The following ASRGL1 variants were observed in gnomAD, a reference collection of about 807,000 sequenced individuals.
ASRGL1 encodes isoaspartyl peptidase/L-asparaginase.
Under a neutral mutation model 22.4 loss-of-function variants are expected in ASRGL1, and 16 were observed. That is an observed-to-expected ratio of 0.71 (90% confidence interval 0.48 to 1.08). The LOEUF is 1.08. Among genes scored for constraint, ASRGL1 ranks in the 50% least tolerant of loss-of-function variants. The probability of loss-of-function intolerance (pLI) is 0.00; values close to 1 mark genes in which losing one functional copy is unlikely to be tolerated. For synonymous variants in ASRGL1, 165 were observed against 159.3 expected, an observed-to-expected ratio of 1.04 and a Z score of -0.27; for missense variants, 412 against 410.1, an observed-to-expected ratio of 1.00 and a Z score of -0.04.
intron 2 of ASRGL1, among the ~76,000 whole-genome samples, chr11:62,343,918 C>CTTTTTT (rs34446979): frequency 0.016 from 1,641 of 100,678 alleles, 4 homozygotes; most frequent in Non-Finnish European, 0.021. Flanking sequence ...TCATGCATTT[C>CTTTTTT]TTTTTTTTTT....
At chr11:62,394,495 AG>A (rs1947407492), downstream of ASRGL1, among the ~76,000 whole-genome samples, 1 of 151,584 alleles carries the variant, frequency 6.6e-6, no homozygotes, top group African/African-American at 2.4e-5. Context: ...AATTTGGGAG[AG>A]GACAGAATTC....
chr11:62,372,989 A>G (rs1396205207), intron 4 of ASRGL1: 6 of 1,413,162 alleles, frequency 4.2e-6, no homozygotes, highest in Non-Finnish European at 6.0e-6. Flanking sequence ...CCTTTGGGGA[A>G]CTGGGCTACA....
At chr11:62,359,107 G>A (rs1374629420) in intron 4 of ASRGL1, among the ~76,000 whole-genome samples, 3 of 152,042 alleles carry the variant, frequency 2.0e-5, no homozygotes, top group South Asian at 2.1e-4. Context: ...TTGCACATGG[G>A]GACTGTTACT....
intron 4 of ASRGL1, chr11:62,372,940 C>G (rs1946812257): frequency 9.2e-6 from 14 of 1,529,860 alleles, no homozygotes; most frequent in Non-Finnish European, 1.1e-5. Context: ...ATCATTGTGG[C>G]AGCCGATGAG....
intron 4 of ASRGL1, among the ~76,000 whole-genome samples, chr11:62,383,627 A>AAAAAAAAAAAAAAAAAAG: frequency 7.3e-6 from 1 of 137,010 alleles, no homozygotes; most frequent in Admixed American, 7.4e-5. Flanking sequence ...AAAAAAAAAA[A>AAAAAAAAAAAAAAAAAAG]AGAACATCAT....
chr11:62,356,912 C>T (rs1946310670), intron 3 of ASRGL1, 75 bp from the exon 4 acceptor site: 1 of 1,470,444 alleles, frequency 6.8e-7, no homozygotes, highest in Non-Finnish European at 9.1e-7. Flanking sequence ...GTAATTATTT[C>T]AACACAGTTG....
rs141369983 is a variant in ASRGL1 at position 62,392,219 on chromosome 11, G to A, written c.862G>A (p.Ala288Thr). Residue 288 changes from alanine (A) to threonine (T), a missense_variant, in exon 7 of 7, where the codon GCC (alanine) becomes ACC (threonine). Transcript: ENST00000415229. Reference sequence around the variant, plus strand: ...CTCCACCTCCATGCCCTGGGCAGCCGCCAAGGACGGCAAGCTGCACTTCGG... The same window carrying A: ...CTCCACCTCCATGCCCTGGGCAGCCACCAAGGACGGCAAGCTGCACTTCGG... ...WTSTSMPWAA[A>T]KDGKLHFGID... is the part of the protein sequence containing the mutation. The A allele has an allele frequency of 1.5e-5, 24 of 1,614,090 alleles. No homozygotes were observed. Among genetic ancestry groups the A allele is most frequent in the South Asian group, 4.4e-5 (4 of 91,090 alleles).
At position 62,337,892 on chromosome 11, in the gene ASRGL1, T is replaced by A. The variant is rs1428429039; in HGVS notation, c.-86T>A. The A allele has an allele frequency of 1.5e-5, 21 of 1,405,992 alleles. No individual in the cohort carries two copies. Among genetic ancestry groups the A allele is most frequent in the Non-Finnish European group, 1.9e-5 (20 of 1,039,986 alleles). 87.1% of individuals were successfully genotyped at this position (1,405,992 alleles called of 1,614,324 possible). On this transcript the variant is annotated splice_region_variant and 5_prime_UTR_variant, in exon 2 of 7. Coordinates refer to ENST00000415229, the MANE Select transcript of ASRGL1 (RefSeq NM_001083926.2). ...GAGACTGGGCATTGTCCCCACAGGG[T>A]CTCCCGAGGACCTTGTACCCGCGCG...
In ASRGL1 at chr11:62,356,344, C is replaced by A. The variant is rs140751884; in HGVS notation, c.210C>A (p.Asn70Lys). The stretch of plus-strand genomic sequence containing the variant: ...TTTTAGGTTGTGGGTCTGTCTTGAA[C>A]ACAAATGGTGAGGTTGAAATGGATG... ...EFNAGCGSVL[N>K]TNGEVEMDAS... The change falls in exon 3 of 7, where the codon AAC (asparagine) becomes AAA (lysine). Residue 70 changes from asparagine to lysine, a missense_variant. Coordinates refer to ENST00000415229, the MANE Select transcript of ASRGL1 (RefSeq NM_001083926.2). 3.7e-5 allele frequency: 60 copies of A among 1,614,106 alleles called. No homozygotes were observed. The African/African-American group carries it at 6.8e-4, about 18-fold the overall frequency.
intron 2 of ASRGL1, among the ~76,000 whole-genome samples, chr11:62,343,025 C>A (rs1415234582): frequency 6.6e-6 from 1 of 152,134 alleles, no homozygotes; most frequent in African/African-American, 2.4e-5. Flanking sequence ...AAGTTTTTAT[C>A]TCCCTTAGGT....
chr11:62,362,606 AAATATATAT>A (rs1465487503), intron 4 of ASRGL1, among the ~76,000 whole-genome samples: 525 of 26,722 alleles, frequency 0.02, 6 homozygotes, highest in Non-Finnish European at 0.022. Context: ...ATATTATATA[AAATATATAT>A]TATATATTAT....
At chr11:62,399,692 C>T in the ASRGL1 span, among the ~76,000 whole-genome samples, 1 of 152,178 alleles carries the variant, frequency 6.6e-6, no homozygotes, top group Non-Finnish European at 1.5e-5. Context: ...TAGGACCCAG[C>T]GGGCAGCACT....
chr11:62,337,824 C>A, intron 1 of ASRGL1, 66 bp from the exon 2 acceptor site: 1 of 769,986 alleles, frequency 1.3e-6, no homozygotes, highest in Non-Finnish European at 2.0e-6. Context: ...TCGACCGAGC[C>A]GCCCCTACCC....
chr11:62,394,118 T>C (rs997720272), downstream of ASRGL1, among the ~76,000 whole-genome samples: 4 of 137,360 alleles, frequency 2.9e-5, no homozygotes, highest in Non-Finnish European at 4.6e-5. Flanking sequence ...ATAATTTACA[T>C]ATATATTATA....
intron 5 of ASRGL1, 157 bp downstream of exon 5, chr11:62,389,408 G>GT (rs569534215): frequency 3.2e-5 from 24 of 754,058 alleles, no homozygotes; most frequent in Non-Finnish European, 5.3e-5. Context: ...GGTTGGAAGG[G>GT]GTTGTTCGGG....
At chr11:62,380,823 G>T (rs1947047882) in intron 4 of ASRGL1, among the ~76,000 whole-genome samples, 2 of 152,136 alleles carry the variant, frequency 1.3e-5, no homozygotes, top group African/African-American at 2.4e-5. Context: ...CTCCTTCTTG[G>T]GCCCCTTCTC....
At chr11:62,370,858 T>C (rs1946741318) in intron 4 of ASRGL1, among the ~76,000 whole-genome samples, 1 of 152,166 alleles carries the variant, frequency 6.6e-6, no homozygotes, top group Non-Finnish European at 1.5e-5. Context: ...TAATGATCTT[T>C]GATAAGGAAA....
At chr11:62,362,431 A>G (rs1237622400) in intron 4 of ASRGL1, among the ~76,000 whole-genome samples, 1 of 133,664 alleles carries the variant, frequency 7.5e-6, no homozygotes, top group Non-Finnish European at 1.5e-5. Context: ...ATTTCTATTA[A>G]TAAATTTAAC....
chr11:62,357,824 A>C (rs1255462320), intron 4 of ASRGL1, among the ~76,000 whole-genome samples: 2 of 152,204 alleles, frequency 1.3e-5, no homozygotes, highest in African/African-American at 4.8e-5. Flanking sequence ...TGAAAGTAAA[A>C]TGTGAATATG....
Sources: allele counts gnomAD v4.1 joint callset (sites outside exome capture counted in the v4.1 genomes callset), GRCh38; gene constraint gnomAD v4.1.1; transcripts MANE v1.5; gene names NCBI Gene and HGNC (gene_info 2026-07-23, HGNC 2026-07-21).